CELF2: variants seen among roughly 807,000 people sequenced by gnomAD.
CELF2 encodes CUGBP Elav-like family member 2.
A neutral mutation model predicts 62.6 loss-of-function variants in CELF2; 8 were observed. The observed-to-expected ratio is 0.13, with a 90% CI of 0.07 to 0.23. The LOEUF is 0.23. CELF2 is among the 10% of genes least tolerant of loss of function. CELF2 has a pLI of 1.00. For missense variants in CELF2, 333 were observed against 671.0 expected (o/e 0.50, Z 5.56); for synonymous variants, 258 against 250.0 (o/e 1.03, Z -0.30).
chr10:11,129,713 T>C (rs1276164419), intron 1 of CELF2, among the ~76,000 whole-genome samples: 6 of 152,170 alleles, frequency 3.9e-5, no homozygotes, highest in African/African-American at 1.4e-4. Flanking sequence ...TCTGTGGGAT[T>C]GGTGGTGATA....
chr10:11,234,888 G>A (rs2070536513), intron 3 of CELF2, among the ~76,000 whole-genome samples: 1 of 152,024 alleles, frequency 6.6e-6, no homozygotes, highest in African/African-American at 2.4e-5. Context: ...TTAACTGAAT[G>A]AAGAAGAGGG....
chr10:10,535,332 G>T, the CELF2 span, among the ~76,000 whole-genome samples: 2 of 152,350 alleles, frequency 1.3e-5, no homozygotes, highest in South Asian at 2.1e-4. Flanking sequence ...TCCCATAGCA[G>T]GCTGTGATTG....
chr10:10,680,856 T>C, the CELF2 span, among the ~76,000 whole-genome samples: 1 of 152,230 alleles, frequency 6.6e-6, no homozygotes, highest in Non-Finnish European at 1.5e-5. Context: ...GGTATGTTTA[T>C]GTGTTTATAT....
the CELF2 span, among the ~76,000 whole-genome samples, chr10:10,789,969 GCT>G: frequency 6.6e-6 from 1 of 151,718 alleles, no homozygotes; most frequent in Non-Finnish European, 1.5e-5. Flanking sequence ...CTTTATAAAT[GCT>G]TTCACATAAA....
chr10:10,907,312 T>C (rs1276372454), intron 1 of CELF2, among the ~76,000 whole-genome samples: 1 of 152,236 alleles, frequency 6.6e-6, no homozygotes, highest in Admixed American at 6.5e-5. Context: ...GATTTGACAG[T>C]TAAAATGAAA....
At chr10:10,991,788 T>C (rs1295427728) in intron 2 of CELF2, among the ~76,000 whole-genome samples, 1 of 152,170 alleles carries the variant, frequency 6.6e-6, no homozygotes, top group African/African-American at 2.4e-5. Flanking sequence ...TTGAAAAAAG[T>C]AGACAACACT....
chr10:10,717,644 T>C, the CELF2 span, among the ~76,000 whole-genome samples: 1 of 152,174 alleles, frequency 6.6e-6, no homozygotes, highest in Non-Finnish European at 1.5e-5. Context: ...CTATAGGAAG[T>C]AAAATGCAGG....
the CELF2 span, among the ~76,000 whole-genome samples, chr10:10,755,690 C>T: frequency 6.6e-6 from 1 of 152,236 alleles, no homozygotes; most frequent in Non-Finnish European, 1.5e-5. Flanking sequence ...CACGCCCCCT[C>T]TTACGATGTT....
At chr10:10,697,514 G>A in the CELF2 span, among the ~76,000 whole-genome samples, 7 of 152,176 alleles carry the variant, frequency 4.6e-5, no homozygotes, top group Middle Eastern at 3.4e-3. Flanking sequence ...CTAGACTCGG[G>A]GTCTCCTAAG....
In CELF2 at chr10:11,165,395, T is replaced by G; in HGVS notation, c.75-91T>G. ...TGCCACTGCTCTTCTTCCTCCTCCT[T>G]CCGCCTCCCCGCTCCCCCACCCCCA... is the stretch of plus-strand genomic sequence containing the variant. On this transcript the variant is annotated intron_variant, in intron 1 of 12. Coordinates refer to ENST00000633077, the MANE Select transcript of CELF2 (RefSeq NM_001326342.2). This position sits in a 1 kb window ranked among gnomAD's most constrained non-coding sequence, Gnocchi z 7.4. 1 of 1,532,726 alleles carries G rather than the reference T, an allele frequency of 6.5e-7. No homozygotes were observed. Among genetic ancestry groups the G allele is most frequent in the South Asian group, 1.3e-5 (1 of 77,890 alleles). 94.9% of individuals were successfully genotyped at this position (1,532,726 alleles called of 1,614,324 possible).
At chr10:10,487,196 G>A in the CELF2 span, among the ~76,000 whole-genome samples, 7 of 152,132 alleles carry the variant, frequency 4.6e-5, no homozygotes, top group African/African-American at 9.7e-5. Context: ...TTCTTGGATC[G>A]TGTATTCTAC....
intron 2 of CELF2, among the ~76,000 whole-genome samples, chr10:11,186,663 T>G (rs1403822088): frequency 1.3e-5 from 2 of 152,208 alleles, no homozygotes; most frequent in African/African-American, 4.8e-5. Flanking sequence ...TGAAATGCTC[T>G]AAAACCTGAA....
chr10:11,018,008 C>G lies in CELF2; in HGVS notation c.-82C>G. 1 of 1,050,548 alleles carries G rather than the reference C, an allele frequency of 9.5e-7. No homozygotes were observed. Among genetic ancestry groups the G allele is most frequent in the Non-Finnish European group, 1.1e-6 (1 of 876,572 alleles). 65.1% of individuals were successfully genotyped at this position (1,050,548 alleles called of 1,614,324 possible). A position where few individuals can be genotyped will look rare whatever the true frequency, so the allele number is the denominator to read the frequency against. ...CCGGGGGAGGCCGCGCGCACCTGTCCCTGCCCGTCTCGCGCCGCCCGCGGC... is the reference window on the plus strand; with the variant it reads ...CCGGGGGAGGCCGCGCGCACCTGTCGCTGCCCGTCTCGCGCCGCCCGCGGC... On this transcript the variant is annotated 5_prime_UTR_variant, in exon 1 of 13. Transcript: ENST00000633077.
intron 1 of CELF2, among the ~76,000 whole-genome samples, chr10:11,140,281 G>A (rs370944992): frequency 2.6e-5 from 4 of 152,034 alleles, no homozygotes; most frequent in African/African-American, 4.8e-5. Flanking sequence ...TCAATCTGTC[G>A]CCCATGTTCG....
At chr10:10,710,563 A>T in the CELF2 span, among the ~76,000 whole-genome samples, 11 of 152,326 alleles carry the variant, frequency 7.2e-5, 1 homozygote, top group Middle Eastern at 3.4e-3. Context: ...AGGAACAAAC[A>T]GTTTGGGTGA....
rs563504239 is a variant in CELF2, at chr10:11,330,735, GTTTC to G, written c.*1689_*1692del. On this transcript the variant is annotated 3_prime_UTR_variant, in exon 13 of 13. Coordinates refer to ENST00000633077, the MANE Select transcript of CELF2 (RefSeq NM_001326342.2). The surrounding 1 kb of genome is among the most constrained non-coding windows in gnomAD (Gnocchi z 4.5). Reference sequence around the variant, plus strand: ...TATAGAAAAAACCTGTGGCAAAAACGTTTCTTTCTTATTTTTTTTCTTTTCCTAA... The same window carrying G: ...TATAGAAAAAACCTGTGGCAAAAACGTTTCTTATTTTTTTTCTTTTCCTAA... The G allele has an allele frequency of 4.6e-4, 70 of 152,594 alleles. No individual in the cohort carries two copies. Among genetic ancestry groups the G allele is most frequent in the Admixed American group, 3.5e-3 (53 of 15,300 alleles). The allele number at this position is 152,594 out of a possible 1,614,324, so 9.5% of individuals were successfully genotyped here.
chr10:10,745,341 G>A, the CELF2 span, among the ~76,000 whole-genome samples: 1 of 151,912 alleles, frequency 6.6e-6, no homozygotes, highest in Non-Finnish European at 1.5e-5. Flanking sequence ...TTCATTACTC[G>A]TATCTCCTTT....
chr10:10,597,891 A>G, the CELF2 span, among the ~76,000 whole-genome samples: 1 of 152,184 alleles, frequency 6.6e-6, no homozygotes, highest in Non-Finnish European at 1.5e-5. Flanking sequence ...ACAAAATAGT[A>G]TCTAGGATTA....
the CELF2 span, among the ~76,000 whole-genome samples, chr10:10,726,475 C>A: frequency 6.6e-6 from 1 of 152,114 alleles, no homozygotes; most frequent in South Asian, 2.1e-4. Context: ...AAAAGAAAAC[C>A]CACCATATCG....
Sources: allele counts gnomAD v4.1 joint callset (sites outside exome capture counted in the v4.1 genomes callset), GRCh38; gene constraint gnomAD v4.1.1; non-coding constraint Gnocchi (gnomAD v3.1); transcripts MANE v1.5; gene names NCBI Gene and HGNC (gene_info 2026-07-23, HGNC 2026-07-21).